SOX6: variants seen among roughly 807,000 people sequenced by gnomAD.
SOX6 encodes the protein SRY-box transcription factor 6.
SOX6 carries 11 observed loss-of-function variants against 97.8 expected under a neutral mutation model. That is an observed-to-expected ratio of 0.11 (90% CI 0.07 to 0.19). The LOEUF (loss-of-function observed/expected upper bound fraction) is 0.19, where lower values mean the gene tolerates loss of function less well. SOX6 is among the 10% of genes least tolerant of loss of function. SOX6 has a pLI of 1.00. For synonymous variants in SOX6, 360 were observed against 371.4 expected (o/e 0.97, Z 0.35); for missense variants, 810 against 1,039.5 (o/e 0.78, Z 3.04).
chr11:16,437,468 A>T (rs915569729), intron 1 of SOX6, among the ~76,000 whole-genome samples: 5 of 152,174 alleles, frequency 3.3e-5, no homozygotes, highest in African/African-American at 1.2e-4. Context: ...AACCTTATAT[A>T]TTGCAAGTTC....
At chr11:16,444,830 T>G (rs1859582102) in intron 1 of SOX6, among the ~76,000 whole-genome samples, 1 of 152,178 alleles carries the variant, frequency 6.6e-6, no homozygotes, top group Admixed American at 6.5e-5. Context: ...ATAGTGAAAT[T>G]AAGAGTGACG....
chr11:16,204,517 T>G (rs774313719), intron 4 of SOX6, among the ~76,000 whole-genome samples: 1 of 151,912 alleles, frequency 6.6e-6, no homozygotes, highest in Non-Finnish European at 1.5e-5. Context: ...CAAAGGTCAC[T>G]GCATAGCTGA....
chr11:15,986,479 C>T (rs1853843996), intron 14 of SOX6, 59 bp from the exon 15 acceptor site: 1 of 1,524,588 alleles, frequency 6.6e-7, no homozygotes, highest in Non-Finnish European at 9.1e-7. Flanking sequence ...TCTAGGCAAA[C>T]ACAACTAGAT....
chr11:16,371,564 T>G (rs1169478820), intron 1 of SOX6, among the ~76,000 whole-genome samples: 1 of 152,028 alleles, frequency 6.6e-6, no homozygotes, highest in Non-Finnish European at 1.5e-5. Flanking sequence ...GTATCTCCAA[T>G]CCCCAGCTGG....
chr11:16,508,902 C>T (rs1860833966), intron 4 of SOX6, among the ~76,000 whole-genome samples: 4 of 152,102 alleles, frequency 2.6e-5, no homozygotes, highest in Admixed American at 2.6e-4. Context: ...CCGACATGAT[C>T]ATTATACACT....
intron 3 of SOX6, among the ~76,000 whole-genome samples, chr11:16,635,684 T>A (rs1316423992): frequency 6.6e-6 from 1 of 152,106 alleles, no homozygotes; most frequent in Non-Finnish European, 1.5e-5. Context: ...GCCCCTCCCA[T>A]CACAGGCCCA....
intron 4 of SOX6, among the ~76,000 whole-genome samples, chr11:16,531,468 T>C (rs1158198505): frequency 2.0e-5 from 3 of 151,892 alleles, no homozygotes; most frequent in African/African-American, 7.2e-5. Flanking sequence ...GTCATGTTCT[T>C]TTACTCATGT....
At chr11:16,449,553 A>C (rs990774832) in intron 1 of SOX6, among the ~76,000 whole-genome samples, 1 of 151,962 alleles carries the variant, frequency 6.6e-6, no homozygotes, top group African/African-American at 2.4e-5. Flanking sequence ...CGGCCTCCCA[A>C]AGTGTTGGGA....
At chr11:16,522,212 G>A (rs1220339753) in intron 4 of SOX6, among the ~76,000 whole-genome samples, 1 of 152,170 alleles carries the variant, frequency 6.6e-6, no homozygotes. Context: ...AGGAAAAAAT[G>A]TTAAGGGCAG....
intron 6 of SOX6, among the ~76,000 whole-genome samples, chr11:16,158,245 C>T (rs1487119859): frequency 6.6e-6 from 1 of 151,902 alleles, no homozygotes; most frequent in Non-Finnish European, 1.5e-5. Context: ...CAAATCCCCC[C>T]TTAGTTCCTT....
chr11:16,224,545 A>C (rs964240550), intron 4 of SOX6, among the ~76,000 whole-genome samples: 5 of 152,006 alleles, frequency 3.3e-5, no homozygotes, highest in Non-Finnish European at 7.4e-5. Context: ...GGAGGTTTTA[A>C]TTGCTTTTAT....
Position 16,096,132 on chromosome 11 carries a change from T to C in SOX6, c.979-14A>G, listed in dbSNP as rs751452787. Reference sequence around the variant, plus strand: ...GACATGACCCTTCTGTTTAGTAGCATATTCAGAAAAAAAAAAAAAGACAAA... The same window carrying C: ...GACATGACCCTTCTGTTTAGTAGCACATTCAGAAAAAAAAAAAAAGACAAA... On this transcript the variant is annotated splice_polypyrimidine_tract_variant and intron_variant, in intron 8 of 15. Coordinates refer to ENST00000683767, the MANE Select transcript of SOX6 (RefSeq NM_001367873.1). 6.2e-6 allele frequency: 10 copies of C among 1,601,966 alleles called. No homozygotes were observed. The Admixed American group carries it at 1.4e-4, about 22-fold the overall frequency.
intron 13 of SOX6, among the ~76,000 whole-genome samples, chr11:16,005,216 T>G (rs1854511089): frequency 1.3e-5 from 2 of 151,992 alleles, no homozygotes; most frequent in African/African-American, 2.4e-5. Context: ...AGAATGCAAT[T>G]TACTCCTTAA....
At chr11:16,697,565 G>A (rs931916109) in intron 3 of SOX6, among the ~76,000 whole-genome samples, 4 of 152,222 alleles carry the variant, frequency 2.6e-5, no homozygotes, top group East Asian at 1.9e-4. Flanking sequence ...AGCCGAGATC[G>A]CTTCACTGCA....
chr11:16,113,612 G>A (rs1434652356), intron 6 of SOX6, among the ~76,000 whole-genome samples: 2 of 152,112 alleles, frequency 1.3e-5, no homozygotes, highest in Non-Finnish European at 2.9e-5. Context: ...GGTTACAATT[G>A]TTCAGTGCAA....
At chr11:16,498,056 G>A (rs1340360028) in intron 4 of SOX6, among the ~76,000 whole-genome samples, 5 of 152,116 alleles carry the variant, frequency 3.3e-5, no homozygotes, top group Non-Finnish European at 5.9e-5. Flanking sequence ...AATATTAAGC[G>A]AAGCCAGAGA....
In SOX6 at chr11:16,167,410, C is replaced by T. The variant is rs531051274; in HGVS notation, c.777+16476G>A. Among the ~76,000 whole-genome samples, 272 of 152,200 alleles carry T rather than the reference C, an allele frequency of 1.8e-3. 2 individuals are homozygous for T. Among genetic ancestry groups the T allele is most frequent in the African/African-American group, 6.1e-3 (255 of 41,514 alleles). On this transcript the variant is annotated intron_variant, in intron 6 of 15. Coordinates refer to ENST00000683767, the MANE Select transcript of SOX6 (RefSeq NM_001367873.1). ...CATGGTCTCCCTCCTTCTACCCTTC[C>T]ACCCTTTCGTCTAATTGCAACACAG...
chr11:16,733,590 T>C (rs1439198716), intron 2 of SOX6, among the ~76,000 whole-genome samples: 1 of 113,668 alleles, frequency 8.8e-6, no homozygotes, highest in Non-Finnish European at 1.8e-5. Context: ...GGTGGGGGGC[T>C]AGGGGAGGGA....
At chr11:16,327,900 G>T (rs1207246480) in intron 2 of SOX6, among the ~76,000 whole-genome samples, 1 of 152,146 alleles carries the variant, frequency 6.6e-6, no homozygotes, top group African/African-American at 2.4e-5. Context: ...CCTACCGGCT[G>T]CCCAGTCTAA....
Sources: gnomAD v4.1 joint callset for allele counts (sites outside exome capture counted in the v4.1 genomes callset) on GRCh38, gnomAD v4.1.1 for gene constraint, MANE v1.5 for transcripts, NCBI Gene and HGNC (gene_info 2026-07-23, HGNC 2026-07-21) for gene names.